MBNL1: variants seen among roughly 807,000 people sequenced by gnomAD.
MBNL1 encodes muscleblind-like protein 1.
A neutral mutation model predicts 42.2 loss-of-function variants in MBNL1; 8 were observed. That is an observed-to-expected ratio of 0.19 (90% CI 0.11 to 0.34). The LOEUF (loss-of-function observed/expected upper bound fraction) is 0.34. Ranked by LOEUF, MBNL1 falls within the 10% of genes least tolerant of loss-of-function variation. The pLI, the probability that MBNL1 is intolerant of heterozygous loss-of-function variation, is 1.00. For missense variants in MBNL1, 309 were observed against 495.3 expected, an observed-to-expected ratio of 0.62 and a Z score of 3.57; for synonymous variants, 169 against 173.9, an observed-to-expected ratio of 0.97 and a Z score of 0.22.
chr3:152,295,300 A>C (rs1473792154), intron 1 of MBNL1, among the ~76,000 whole-genome samples: 1 of 152,208 alleles, frequency 6.6e-6, no homozygotes, highest in Non-Finnish European at 1.5e-5. Flanking sequence ...GATTGTCTGT[A>C]ACCTGGCAAA....
intron 2 of MBNL1, chr3:152,335,247 A>G (rs544287092): frequency 5.3e-5 from 69 of 1,289,734 alleles, no homozygotes; most frequent in Admixed American, 1.4e-4. Flanking sequence ...GAATAAGGCA[A>G]TTGGGGAGCC....
intron 2 of MBNL1, among the ~76,000 whole-genome samples, chr3:152,399,086 C>T (rs977703673): frequency 6.6e-6 from 1 of 152,132 alleles, no homozygotes; most frequent in Non-Finnish European, 1.5e-5. Flanking sequence ...TATTTATATG[C>T]GTGCCTTGTT....
rs116483730 is a variant in MBNL1 at position 152,300,719 on chromosome 3, G to A, written c.174+352G>A. 6.9e-3 allele frequency among the ~76,000 whole-genome samples: 1,047 copies of A among 152,318 alleles called. 14 individuals are homozygous for A. Among genetic ancestry groups the A allele is most frequent in the Non-Finnish European group, 1.0e-2 (679 of 68,030 alleles). ...TGCATATATTATATATAAGGCCATG[G>A]CAATAGCTGAATGAGGATGATTTTT... On this transcript the variant is annotated intron_variant, in intron 2 of 9. Coordinates refer to ENST00000324210, the MANE Select transcript of MBNL1 (RefSeq NM_021038.5).
intron 2 of MBNL1, among the ~76,000 whole-genome samples, chr3:152,395,210 A>G (rs989948310): frequency 2.0e-5 from 3 of 152,172 alleles, no homozygotes; most frequent in African/African-American, 4.8e-5. Flanking sequence ...AAAAATATGG[A>G]TAAGTAGTTT....
intron 2 of MBNL1, among the ~76,000 whole-genome samples, chr3:152,330,218 G>A (rs1341823177): frequency 6.6e-6 from 1 of 152,112 alleles, no homozygotes; most frequent in African/African-American, 2.4e-5. Flanking sequence ...GGGTTCAAGC[G>A]ATCCTTCTGC....
At chr3:152,450,334 A>G (rs1026878324) in intron 6 of MBNL1, among the ~76,000 whole-genome samples, 1 of 152,160 alleles carries the variant, frequency 6.6e-6, no homozygotes, top group Non-Finnish European at 1.5e-5. Flanking sequence ...TTCATTATAT[A>G]ATATATACCT....
chr3:152,353,085 T>G (rs2095214381), intron 2 of MBNL1, among the ~76,000 whole-genome samples: 1 of 152,220 alleles, frequency 6.6e-6, no homozygotes, highest in Non-Finnish European at 1.5e-5. Flanking sequence ...TAATTTTTTG[T>G]CTTTTATATG....
At chr3:152,384,171 T>C (rs1006670232) in intron 2 of MBNL1, among the ~76,000 whole-genome samples, 2 of 152,130 alleles carry the variant, frequency 1.3e-5, no homozygotes, top group African/African-American at 4.8e-5. Context: ...AGTTACACTT[T>C]GGGAAGGGTG....
At chr3:152,365,750 G>A (rs1055787464) in intron 2 of MBNL1, among the ~76,000 whole-genome samples, 1 of 152,074 alleles carries the variant, frequency 6.6e-6, no homozygotes, top group African/African-American at 2.4e-5. Context: ...TTAAACATCT[G>A]TTAAAAGGCT....
intron 2 of MBNL1, among the ~76,000 whole-genome samples, chr3:152,349,792 T>C (rs1578432878): frequency 1.3e-5 from 2 of 152,122 alleles, no homozygotes; most frequent in East Asian, 3.9e-4. Context: ...ATTTTAATGC[T>C]ACTGTTTTTA....
chr3:152,314,181 C>T (rs1364734546), intron 2 of MBNL1, among the ~76,000 whole-genome samples: 1 of 152,026 alleles, frequency 6.6e-6, no homozygotes, highest in African/African-American at 2.4e-5. Context: ...TTGCACTATT[C>T]TTTTCTATTT....
intron 1 of MBNL1, among the ~76,000 whole-genome samples, chr3:152,284,458 A>C (rs959067987): frequency 6.6e-6 from 1 of 152,120 alleles, no homozygotes; most frequent in Non-Finnish European, 1.5e-5. Context: ...AAAGAAAAAA[A>C]TCCTTTATGT....
At chr3:152,440,364 A>G (rs1009857879) in intron 4 of MBNL1, among the ~76,000 whole-genome samples, 1 of 152,244 alleles carries the variant, frequency 6.6e-6, no homozygotes, top group Non-Finnish European at 1.5e-5. Flanking sequence ...TTGGACTTAC[A>G]GTTCCACATG....
intron 2 of MBNL1, among the ~76,000 whole-genome samples, chr3:152,389,670 AT>A (rs1362329560): frequency 6.6e-6 from 1 of 152,182 alleles, no homozygotes; most frequent in East Asian, 1.9e-4. Flanking sequence ...GAGATTACAA[AT>A]TTTTACACCT....
intron 2 of MBNL1, chr3:152,337,951 C>T (rs1017183659): frequency 6.6e-5 from 19 of 286,952 alleles, no homozygotes; most frequent in South Asian, 1.4e-4. Flanking sequence ...ATAATGTTGC[C>T]TTTTAATTTC....
At chr3:152,422,436 C>T (rs1272834076) in intron 3 of MBNL1, among the ~76,000 whole-genome samples, 2 of 152,124 alleles carry the variant, frequency 1.3e-5, no homozygotes, top group Non-Finnish European at 2.9e-5. Flanking sequence ...TACAGAAGCA[C>T]CCAATTCATA....
At chr3:152,347,734 C>G (rs1434130524) in intron 2 of MBNL1, among the ~76,000 whole-genome samples, 2 of 152,112 alleles carry the variant, frequency 1.3e-5, no homozygotes, top group Admixed American at 1.3e-4. Context: ...AGTATACCTG[C>G]CGCCATCTTG....
intron 2 of MBNL1, among the ~76,000 whole-genome samples, chr3:152,368,150 T>G (rs1182647361): frequency 6.6e-6 from 1 of 152,132 alleles, no homozygotes; most frequent in Non-Finnish European, 1.5e-5. Context: ...TTAGGTCTTA[T>G]GTTTAAGTCT....
At position 152,300,113 on chromosome 3, in the gene MBNL1, T is replaced by A. The variant is rs1307884206; in HGVS notation, c.-81T>A. 1 of 885,940 alleles carries A rather than the reference T, an allele frequency of 1.1e-6. No homozygotes were observed. Among genetic ancestry groups the A allele is most frequent in the Non-Finnish European group, 1.7e-6 (1 of 583,030 alleles). 54.9% of individuals were successfully genotyped at this position (885,940 alleles called of 1,614,324 possible). A position where few individuals can be genotyped will look rare whatever the true frequency, so the allele number is the denominator to read the frequency against. ...CATTTTCATCATCAGTTCAGCTTTT[T>A]TTTTTTGGTTGTTGCTCTTTTTTGG... On this transcript the variant is annotated 5_prime_UTR_variant, in exon 2 of 10. Coordinates refer to ENST00000324210, the MANE Select transcript of MBNL1 (RefSeq NM_021038.5).
Sources: gnomAD v4.1 joint callset for allele counts (sites outside exome capture counted in the v4.1 genomes callset) on GRCh38, gnomAD v4.1.1 for gene constraint, MANE v1.5 for transcripts, NCBI Gene and HGNC (gene_info 2026-07-23, HGNC 2026-07-21) for gene names.